Variants in CNTNAP2 observed in about 807,000 individuals in gnomAD.
The protein encoded by CNTNAP2 is contactin associated protein 2.
In CNTNAP2, 98 loss-of-function variants were observed where a neutral mutation model predicts 155.2. That is an observed-to-expected ratio of 0.63 (90% confidence interval 0.54 to 0.75). The LOEUF (loss-of-function observed/expected upper bound fraction) is 0.75, where lower values mean the gene tolerates loss of function less well. CNTNAP2 is among the 30% of genes least tolerant of loss of function. CNTNAP2 has a pLI of 0.00. For synonymous variants in CNTNAP2, 651 were observed against 631.2 expected (o/e 1.03, Z -0.47); for missense variants, 1,727 against 1,688.1 (o/e 1.02, Z -0.40).
At chr7:147,875,484 G>A (rs1390338833) in intron 13 of CNTNAP2, among the ~76,000 whole-genome samples, 1 of 152,140 alleles carries the variant, frequency 6.6e-6, no homozygotes, top group African/African-American at 2.4e-5. Context: ...CACAACACAT[G>A]GGGATTATGG....
At chr7:147,209,891 G>A (rs764208554) in intron 8 of CNTNAP2, among the ~76,000 whole-genome samples, 14 of 151,910 alleles carry the variant, frequency 9.2e-5, no homozygotes, top group African/African-American at 2.7e-4. Flanking sequence ...CACATTTATC[G>A]ACTTGTGTAT....
rs113375974 is a variant in CNTNAP2, at chr7:146,437,370, T to A, written c.97+320397T>A. 6.8e-4 allele frequency among the ~76,000 whole-genome samples: 103 copies of A among 151,636 alleles called. 8 individuals are homozygous for A. Among genetic ancestry groups the A allele is most frequent in the African/African-American group, 2.4e-3 (99 of 40,936 alleles). ...TATAAGCATAGCTCATGTATGTATG[T>A]GTGGGTTATACACTATTATAACACA... On this transcript the variant is annotated intron_variant, in intron 1 of 23. Coordinates refer to ENST00000361727, the MANE Select transcript of CNTNAP2 (RefSeq NM_014141.6).
At chr7:147,048,808 T>A (rs980622722) in intron 4 of CNTNAP2, among the ~76,000 whole-genome samples, 6 of 152,208 alleles carry the variant, frequency 3.9e-5, no homozygotes, top group Non-Finnish European at 7.3e-5. Context: ...GTTTTTCATG[T>A]CTTTTTATAA....
chr7:147,223,939 C>CAA (rs571724956), intron 8 of CNTNAP2, among the ~76,000 whole-genome samples: 24 of 45,798 alleles, frequency 5.2e-4, no homozygotes, highest in African/African-American at 1.3e-3. Flanking sequence ...GACTCAATCT[C>CAA]AAAAAAAAAA....
At chr7:146,282,318 G>T (rs978549745) in intron 1 of CNTNAP2, among the ~76,000 whole-genome samples, 1 of 152,194 alleles carries the variant, frequency 6.6e-6, no homozygotes, top group Non-Finnish European at 1.5e-5. Flanking sequence ...GCAAAGCTTG[G>T]TTCTCTGATG....
chr7:147,389,404 C>T (rs700304), intron 9 of CNTNAP2, among the ~76,000 whole-genome samples: 118,861 of 152,116 alleles, frequency 0.78, 47,180 homozygotes, highest in African/African-American at 0.93. Context: ...CCTTGTTGTC[C>T]ACCGTTTGCT....
intron 1 of CNTNAP2, among the ~76,000 whole-genome samples, chr7:146,619,374 C>T (rs1188203910): frequency 6.6e-6 from 1 of 152,046 alleles, no homozygotes; most frequent in Non-Finnish European, 1.5e-5. Flanking sequence ...TAGTTGAAAA[C>T]TTACTTTACT....
At chr7:146,858,754 C>T (rs778431935) in intron 3 of CNTNAP2, among the ~76,000 whole-genome samples, 1 of 152,134 alleles carries the variant, frequency 6.6e-6, no homozygotes, top group African/African-American at 2.4e-5. Context: ...ATATCAGTTG[C>T]TGAAAGGTAG....
chr7:146,155,144 G>A (rs529125276), intron 1 of CNTNAP2, among the ~76,000 whole-genome samples: 1 of 152,306 alleles, frequency 6.6e-6, no homozygotes, highest in South Asian at 2.1e-4. Context: ...AAGATACAAA[G>A]CTCCTATGTG....
intron 13 of CNTNAP2, among the ~76,000 whole-genome samples, chr7:147,709,236 A>G (rs796252327): frequency 1.3e-4 from 20 of 152,300 alleles, no homozygotes; most frequent in Admixed American, 3.3e-4. Flanking sequence ...CCATCAGGTT[A>G]TCTTTACTCC....
chr7:148,141,688 A>G (rs1184695952), intron 16 of CNTNAP2, among the ~76,000 whole-genome samples: 3 of 152,208 alleles, frequency 2.0e-5, no homozygotes, highest in African/African-American at 7.2e-5. Flanking sequence ...CCAGATAGTG[A>G]TACATGCTAT....
intron 1 of CNTNAP2, among the ~76,000 whole-genome samples, chr7:146,478,184 C>T (rs1291949107): frequency 6.6e-6 from 1 of 151,830 alleles, no homozygotes; most frequent in Admixed American, 6.6e-5. Context: ...CTTTAAGGAC[C>T]CTTTCAAGCC....
chr7:147,572,665 T>C (rs1800317829), intron 12 of CNTNAP2, among the ~76,000 whole-genome samples: 1 of 151,636 alleles, frequency 6.6e-6, no homozygotes. Context: ...AACTCTTGCC[T>C]AGTCTACAGT....
At chr7:147,930,310 G>A (rs951115389) in intron 14 of CNTNAP2, among the ~76,000 whole-genome samples, 1 of 152,046 alleles carries the variant, frequency 6.6e-6, no homozygotes, top group Admixed American at 6.5e-5. Flanking sequence ...AACGACAAAA[G>A]ATCCAATTAA....
intron 1 of CNTNAP2, among the ~76,000 whole-genome samples, chr7:146,767,514 C>T (rs1802218422): frequency 6.6e-6 from 1 of 152,042 alleles, no homozygotes; most frequent in African/African-American, 2.4e-5. Flanking sequence ...CTTTCTTTAA[C>T]TGTATTGTAT....
chr7:148,154,406 A>G (rs565318529), intron 17 of CNTNAP2, among the ~76,000 whole-genome samples: 3 of 152,224 alleles, frequency 2.0e-5, no homozygotes, highest in African/African-American at 7.2e-5. Context: ...TCTGAGTCCA[A>G]CCTCCCCAAA....
At chr7:148,019,810 G>A (rs1400516891) in intron 15 of CNTNAP2, among the ~76,000 whole-genome samples, 1 of 151,476 alleles carries the variant, frequency 6.6e-6, no homozygotes, top group African/African-American at 2.4e-5. Context: ...GAGGAGAATG[G>A]AGTTTCACTC....
At chr7:146,525,119 T>G (rs1430833542) in intron 1 of CNTNAP2, among the ~76,000 whole-genome samples, 1 of 151,978 alleles carries the variant, frequency 6.6e-6, no homozygotes, top group African/African-American at 2.4e-5. Flanking sequence ...CGGAATAAGT[T>G]GATCATGGTT....
intron 14 of CNTNAP2, among the ~76,000 whole-genome samples, chr7:147,959,750 A>G (rs1247277660): frequency 6.6e-6 from 1 of 152,138 alleles, no homozygotes; most frequent in Non-Finnish European, 1.5e-5. Flanking sequence ...CTGACAGGGC[A>G]TGCTGGTGGG....
Sources: gnomAD v4.1 joint callset for allele counts (sites outside exome capture counted in the v4.1 genomes callset) on GRCh38, gnomAD v4.1.1 for gene constraint, MANE v1.5 for transcripts, NCBI Gene and HGNC (gene_info 2026-07-23, HGNC 2026-07-21) for gene names.